Variants in DDX10 observed in about 807,000 individuals in gnomAD.
DDX10 encodes probable ATP-dependent RNA helicase DDX10.
Under a neutral mutation model 104.3 loss-of-function variants are expected in DDX10, and 74 were observed. The ratio of observed to expected loss-of-function variants is 0.71; its 90% CI spans 0.59 to 0.86. DDX10 has a LOEUF of 0.86. Ranked by LOEUF, DDX10 falls within the 40% of genes least tolerant of loss-of-function variation. The probability of loss-of-function intolerance (pLI) is 0.00; values close to 1 mark genes in which losing one functional copy is unlikely to be tolerated. For missense variants in DDX10, 952 were observed against 1,040.0 expected (o/e 0.92, Z 1.16); for synonymous variants, 351 against 353.4 (o/e 0.99, Z 0.08).
chr11:108,923,964 T>C (rs2134669626), intron 17 of DDX10, among the ~76,000 whole-genome samples: 1 of 152,296 alleles, frequency 6.6e-6, no homozygotes, highest in South Asian at 2.1e-4. Flanking sequence ...TAAAATTGTT[T>C]CTTATAGCTG....
intron 17 of DDX10, among the ~76,000 whole-genome samples, chr11:108,933,768 G>A (rs1434654557): frequency 6.6e-6 from 1 of 152,160 alleles, no homozygotes; most frequent in African/African-American, 2.4e-5. Context: ...GGCTTAAAAT[G>A]AATCATCTAT....
chr11:108,738,388 G>A (rs1259123158), intron 13 of DDX10, among the ~76,000 whole-genome samples: 1 of 151,484 alleles, frequency 6.6e-6, no homozygotes, highest in East Asian at 1.9e-4. Context: ...TAGCTATTGA[G>A]CCATTTTATT....
intron 13 of DDX10, among the ~76,000 whole-genome samples, chr11:108,730,638 G>A (rs1458098584): frequency 6.6e-6 from 1 of 152,140 alleles, no homozygotes; most frequent in Non-Finnish European, 1.5e-5. Context: ...ACTTACAGTG[G>A]TTCAAAAGGT....
chr11:108,779,343 A>G (rs2094374655), intron 13 of DDX10, among the ~76,000 whole-genome samples: 3 of 152,232 alleles, frequency 2.0e-5, no homozygotes, highest in African/African-American at 7.2e-5. Context: ...TACCCTATGG[A>G]ATACTATGCA....
chr11:108,678,467 A>AG, intron 5 of DDX10, 32 bp downstream of exon 5: 2 of 1,556,094 alleles, frequency 1.3e-6, no homozygotes, highest in South Asian at 1.3e-5. Context: ...TTTAAAAAAA[A>AG]AAAAAGCTCA....
intron 16 of DDX10, among the ~76,000 whole-genome samples, chr11:108,855,069 A>G (rs1264462108): frequency 6.6e-6 from 1 of 152,200 alleles, no homozygotes; most frequent in African/African-American, 2.4e-5. Flanking sequence ...TGGGAAATAT[A>G]GGTCTTTTGG....
intron 7 of DDX10, among the ~76,000 whole-genome samples, chr11:108,691,419 T>A (rs546351796): frequency 3.1e-4 from 47 of 152,312 alleles, no homozygotes; most frequent in Non-Finnish European, 6.0e-4. Flanking sequence ...CTCTATATAG[T>A]CCCACACATT....
intron 13 of DDX10, among the ~76,000 whole-genome samples, chr11:108,765,931 A>G (rs1232507454): frequency 6.6e-6 from 1 of 152,210 alleles, no homozygotes; most frequent in Non-Finnish European, 1.5e-5. Flanking sequence ...CTTCTCATTC[A>G]TTTGAAGTAT....
intron 16 of DDX10, among the ~76,000 whole-genome samples, chr11:108,898,334 G>A (rs1565312504): frequency 6.6e-6 from 1 of 152,094 alleles, no homozygotes; most frequent in Non-Finnish European, 1.5e-5. Context: ...AGAACAAAGA[G>A]TAGGCTGCTT....
chr11:108,798,566 C>T (rs1861977235), intron 13 of DDX10, among the ~76,000 whole-genome samples: 2 of 152,330 alleles, frequency 1.3e-5, no homozygotes, highest in South Asian at 4.1e-4. Flanking sequence ...CTTTTTGTGA[C>T]TGGCTTGTTT....
chr11:108,816,965 G>T (rs1354779614), intron 13 of DDX10, among the ~76,000 whole-genome samples: 1 of 152,072 alleles, frequency 6.6e-6, no homozygotes, highest in Admixed American at 6.5e-5. Flanking sequence ...CATGTATCTT[G>T]GTCAAAACTT....
At chr11:108,939,897 T>A (rs571156622) in intron 17 of DDX10, among the ~76,000 whole-genome samples, 1 of 152,196 alleles carries the variant, frequency 6.6e-6, no homozygotes, top group Non-Finnish European at 1.5e-5. Context: ...AACCTGACTT[T>A]CAGTAGAGGT....
At chr11:108,920,341 T>G (rs1422517090) in intron 17 of DDX10, 1 of 152,216 alleles carries the variant, frequency 6.6e-6, no homozygotes, top group Non-Finnish European at 1.5e-5. Flanking sequence ...AGCTAACAAG[T>G]CAGCATTAGT....
intron 1 of DDX10, among the ~76,000 whole-genome samples, chr11:108,670,395 G>A (rs2094215439): frequency 6.6e-6 from 1 of 152,212 alleles, no homozygotes; most frequent in Non-Finnish European, 1.5e-5. Context: ...AAGAGTCTCA[G>A]ACTGCAGCAC....
chr11:108,700,797 A>G (rs1214202689), intron 9 of DDX10, among the ~76,000 whole-genome samples: 2 of 152,042 alleles, frequency 1.3e-5, no homozygotes, highest in Admixed American at 6.5e-5. Flanking sequence ...TCCTGGAAGT[A>G]TAATTTTAGG....
intron 13 of DDX10, among the ~76,000 whole-genome samples, chr11:108,764,489 G>C (rs2094354174): frequency 6.6e-6 from 1 of 152,140 alleles, no homozygotes; most frequent in Non-Finnish European, 1.5e-5. Context: ...CCAACATGGT[G>C]AAACCCCGTC....
At chr11:108,848,210 A>C (rs775172469) in intron 15 of DDX10, among the ~76,000 whole-genome samples, 1 of 152,208 alleles carries the variant, frequency 6.6e-6, no homozygotes, top group Non-Finnish European at 1.5e-5. Context: ...AATACCACTT[A>C]TTCCTGAATG....
At chr11:108,939,769 T>G (rs1864082380) in intron 17 of DDX10, among the ~76,000 whole-genome samples, 1 of 152,248 alleles carries the variant, frequency 6.6e-6, no homozygotes, top group South Asian at 2.1e-4. Context: ...AATCTGTAAT[T>G]TAACATCTCA....
chr11:108,890,289 G>A (rs565457377), intron 16 of DDX10, among the ~76,000 whole-genome samples: 1 of 152,302 alleles, frequency 6.6e-6, no homozygotes, highest in East Asian at 1.9e-4. Context: ...TAGGCTATTA[G>A]TTGAGGAATT....
Sources: allele counts gnomAD v4.1 joint callset (sites outside exome capture counted in the v4.1 genomes callset), GRCh38; gene constraint gnomAD v4.1.1; transcripts MANE v1.5; gene names NCBI Gene and HGNC (gene_info 2026-07-23, HGNC 2026-07-21).